The following DTD1 variants were observed in gnomAD, a reference collection of about 807,000 sequenced individuals.
DTD1 encodes D-aminoacyl-tRNA deacylase 1.
In DTD1, 13 loss-of-function variants were observed where a neutral mutation model predicts 25.6. The ratio of observed to expected loss-of-function variants is 0.51; its 90% CI spans 0.33 to 0.81. The LOEUF is 0.81. Ranked by LOEUF, DTD1 falls within the 30% of genes least tolerant of loss-of-function variation. The probability of loss-of-function intolerance (pLI) is 0.02; values close to 1 mark genes in which losing one functional copy is unlikely to be tolerated. For synonymous variants in DTD1, 110 were observed against 103.6 expected (o/e 1.06, Z -0.37); for missense variants, 193 against 266.4 (o/e 0.72, Z 1.92).
In DTD1 at chr20:18,693,656, T is replaced by TAA. The variant is rs11484391; in HGVS notation, c.478-50428_478-50427dup. 6.9e-4 allele frequency among the ~76,000 whole-genome samples: 99 copies of TAA among 143,732 alleles called. 2 individuals carry two copies. The highest frequency in any genetic ancestry group is 1.4e-3 in the East Asian group (7 of 4,912). 94.3% of individuals were successfully genotyped at this position (143,732 alleles called of 152,430 possible). On this transcript the variant is annotated intron_variant, in intron 4 of 5. Coordinates refer to ENST00000377452, the MANE Select transcript of DTD1 (RefSeq NM_080820.6). ...TGGGTGACAGAGCGAGACTCCCATC[T>TAA]AAAAAAAAAAAAAAAAATTGTCTTC...
intron 3 of DTD1, among the ~76,000 whole-genome samples, chr20:18,601,777 T>C (rs1474019231): frequency 1.3e-5 from 2 of 151,822 alleles, no homozygotes; most frequent in Non-Finnish European, 2.9e-5. Flanking sequence ...CATCTGTACA[T>C]CACCATCATC....
intron 4 of DTD1, chr20:18,631,770 A>G: frequency 2.0e-6 from 2 of 985,238 alleles, no homozygotes; most frequent in Middle Eastern, 5.2e-4. Flanking sequence ...ATTATTCCAT[A>G]GTTTTTAGTT....
chr20:18,591,212 GTC>G (rs2060587975), intron 1 of DTD1, among the ~76,000 whole-genome samples: 1 of 152,156 alleles, frequency 6.6e-6, no homozygotes, highest in Non-Finnish European at 1.5e-5. Context: ...TAAGACAGCA[GTC>G]TCTGTGTCAT....
At position 18,618,538 on chromosome 20, in the gene DTD1, A is replaced by G. The variant is rs557098830; in HGVS notation, c.371-9589A>G. 2.2e-4 allele frequency among the ~76,000 whole-genome samples: 33 copies of G among 150,470 alleles called. No homozygotes were observed. In the South Asian group the frequency reaches 6.9e-3, roughly 32 times the overall value. ...CCCAGCTAATATAGATATAAAAATT[A>G]TATATATGAACACATCTATAATACA... On this transcript the variant is annotated intron_variant, in intron 3 of 5. Transcript: ENST00000377452.
chr20:18,593,625 T>C (rs1040544253), intron 1 of DTD1, 106 bp from the exon 2 acceptor site: 6 of 756,956 alleles, frequency 7.9e-6, no homozygotes, highest in Non-Finnish European at 1.2e-5. Flanking sequence ...ACCAAAGAAG[T>C]TATAAGAAGT....
At chr20:18,654,392 A>G (rs1600346234) in intron 4 of DTD1, among the ~76,000 whole-genome samples, 1 of 151,800 alleles carries the variant, frequency 6.6e-6, no homozygotes, top group Non-Finnish European at 1.5e-5. Flanking sequence ...AGTCCATTAA[A>G]CCTCTTTTTT....
chr20:18,693,188 C>T (rs2061054865), intron 4 of DTD1, among the ~76,000 whole-genome samples: 2 of 152,274 alleles, frequency 1.3e-5, no homozygotes, highest in South Asian at 2.1e-4. Context: ...CCACTGCACC[C>T]GGCCAACAAA....
At chr20:18,644,925 C>T (rs1459077662) in intron 4 of DTD1, among the ~76,000 whole-genome samples, 1 of 152,112 alleles carries the variant, frequency 6.6e-6, no homozygotes, top group Non-Finnish European at 1.5e-5. Flanking sequence ...GCAGGAATAT[C>T]GCATGAGCCC....
At chr20:18,718,301 G>A (rs555094170) in intron 4 of DTD1, among the ~76,000 whole-genome samples, 30 of 152,356 alleles carry the variant, frequency 2.0e-4, no homozygotes, top group African/African-American at 6.0e-4. Flanking sequence ...CACTAGGACT[G>A]TGTGACCATA....
rs1217269183 is a variant in DTD1, at chr20:18,764,063, G to A, written c.*723G>A. 6.6e-6 allele frequency: 1 copy of A among 152,208 alleles called. No individual in the cohort carries two copies. Among genetic ancestry groups the A allele is most frequent in the Admixed American group, 6.5e-5 (1 of 15,286 alleles). The allele number at this position is 152,208 out of a possible 1,614,324, so 9.4% of individuals were successfully genotyped here. A position where few individuals can be genotyped will look rare whatever the true frequency, so the allele number is the denominator to read the frequency against. ...CCCACACAGGCTCCTGAGTCCAGGT[G>A]GGAGCCTGTCTAGCCAGTTTACAAT... On this transcript the variant is annotated 3_prime_UTR_variant, in exon 6 of 6. Coordinates refer to ENST00000377452, the MANE Select transcript of DTD1 (RefSeq NM_080820.6).
At position 18,763,985 on chromosome 20, in the gene DTD1, T is replaced by C. The variant is rs564900239; in HGVS notation, c.*645T>C. 2 of 151,988 alleles carry C rather than the reference T, an allele frequency of 1.3e-5. No individual in the cohort carries two copies. Among genetic ancestry groups the C allele is most frequent in the South Asian group, 2.1e-4 (1 of 4,784 alleles). The allele number at this position is 151,988 out of a possible 1,614,324, so 9.4% of individuals were successfully genotyped here. A position where few individuals can be genotyped will look rare whatever the true frequency, so the allele number is the denominator to read the frequency against. ...AATGCGTCTGACCTCTCTCTATGCG[T>C]ATCTACACTTCTTTTCACATAAGTC... On this transcript the variant is annotated 3_prime_UTR_variant, in exon 6 of 6. Transcript: ENST00000377452.
intron 4 of DTD1, among the ~76,000 whole-genome samples, chr20:18,714,656 G>A (rs1356637353): frequency 1.3e-5 from 2 of 152,162 alleles, no homozygotes; most frequent in African/African-American, 4.8e-5. Flanking sequence ...CATCGTCTAA[G>A]TGGGACACAG....
chr20:18,709,857 C>G (rs898049134), intron 4 of DTD1, among the ~76,000 whole-genome samples: 1 of 152,030 alleles, frequency 6.6e-6, no homozygotes. Flanking sequence ...GGGACACTTT[C>G]ATTTGTGAGT....
At chr20:18,600,542 GTTAAC>G (rs2060629672) in intron 3 of DTD1, among the ~76,000 whole-genome samples, 1 of 152,096 alleles carries the variant, frequency 6.6e-6, no homozygotes, top group African/African-American at 2.4e-5. Context: ...GTGTCAGCCC[GTTAAC>G]TTTGTTCTTC....
chr20:18,601,418 G>A (rs2060633796), intron 3 of DTD1, among the ~76,000 whole-genome samples: 1 of 150,670 alleles, frequency 6.6e-6, no homozygotes, highest in African/African-American at 2.4e-5. Context: ...AGTATCGCTT[G>A]AACGTGGGAG....
intron 4 of DTD1, among the ~76,000 whole-genome samples, chr20:18,653,281 C>T (rs1005209882): frequency 6.6e-6 from 1 of 152,120 alleles, no homozygotes; most frequent in African/African-American, 2.4e-5. Context: ...ATAATCTCAG[C>T]TGCTTGGGAG....
At chr20:18,750,270 A>G (rs1362064275) in intron 5 of DTD1, among the ~76,000 whole-genome samples, 1 of 152,210 alleles carries the variant, frequency 6.6e-6, no homozygotes, top group Non-Finnish European at 1.5e-5. Flanking sequence ...GTAGGCCACA[A>G]AATCACCACC....
At chr20:18,594,091 T>C (rs113431147) in intron 2 of DTD1, among the ~76,000 whole-genome samples, 45 of 152,320 alleles carry the variant, frequency 3.0e-4, no homozygotes, top group African/African-American at 8.9e-4. Context: ...CTTGTTCTCT[T>C]AACGCAAAAA....
chr20:18,617,413 A>C (rs2122289659), intron 3 of DTD1, among the ~76,000 whole-genome samples: 1 of 150,950 alleles, frequency 6.6e-6, no homozygotes, highest in South Asian at 2.1e-4. Context: ...TATATTTGTG[A>C]CCATATATAT....
Sources: gnomAD v4.1 joint callset for allele counts (sites outside exome capture counted in the v4.1 genomes callset) on GRCh38, gnomAD v4.1.1 for gene constraint, MANE v1.5 for transcripts, NCBI Gene and HGNC (gene_info 2026-07-23, HGNC 2026-07-21) for gene names.